Variants in FABP6 observed in about 807,000 individuals in gnomAD.
FABP6 encodes fatty acid binding protein 6.
FABP6 carries 13 observed loss-of-function variants against 14.9 expected under a neutral mutation model. The observed-to-expected ratio is 0.87, with a 90% CI of 0.57 to 1.39. FABP6 has a LOEUF of 1.39. FABP6 is among the 40% of genes most tolerant of loss of function. FABP6 has a pLI of 0.00. For synonymous variants in FABP6, 75 were observed against 63.6 expected (o/e 1.18, Z -0.85); for missense variants, 161 against 167.2 (o/e 0.96, Z 0.20).
At chr5:160,238,462 T>C (rs906384694) in intron 3 of FABP6, 144 bp from the exon 4 acceptor site, 4 of 654,208 alleles carry the variant, frequency 6.1e-6, no homozygotes, top group Admixed American at 5.0e-5. Context: ...CTGGAACAAA[T>C]TGGGAAACTG....
At chr5:160,218,986 C>G (rs1760076809) in intron 3 of FABP6, among the ~76,000 whole-genome samples, 1 of 152,226 alleles carries the variant, frequency 6.6e-6, no homozygotes, top group African/African-American at 2.4e-5. Flanking sequence ...ATCTCAAACT[C>G]CTGGTCTTTG....
chr5:160,233,734 G>A (rs190950157), intron 2 of FABP6, among the ~76,000 whole-genome samples: 15 of 152,040 alleles, frequency 9.9e-5, no homozygotes, highest in African/African-American at 1.9e-4. Flanking sequence ...TTAGCCAGGC[G>A]TGGTGGCCGG....
chr5:160,194,811 C>A (rs1256087386), intron 1 of FABP6, among the ~76,000 whole-genome samples: 1 of 152,296 alleles, frequency 6.6e-6, no homozygotes, highest in Middle Eastern at 3.4e-3. Context: ...GGCCGGTTTC[C>A]CTGCCTATAC....
At chr5:160,195,279 G>A (rs113552872) in intron 1 of FABP6, among the ~76,000 whole-genome samples, 20,838 of 86,530 alleles carry the variant, frequency 0.24, 1,825 homozygotes, top group Middle Eastern at 0.35. Context: ...GCGAGACTCT[G>A]TCTCAAAAAA....
intron 2 of FABP6, among the ~76,000 whole-genome samples, chr5:160,201,727 C>T (rs1759644996): frequency 7.7e-6 from 1 of 129,186 alleles, no homozygotes; most frequent in Admixed American, 8.1e-5. Flanking sequence ...TTTCTCCAGC[C>T]CACAGTGAGG....
rs55646112 is a variant in FABP6 at position 160,219,380 on chromosome 5, G to A, written c.135+5561G>A. ...CTTGGGCTCTTCTTTATCTCTATTGGGGTATAGTTGTTCTATTGGTTCTAT... is the reference window on the plus strand; with the variant it reads ...CTTGGGCTCTTCTTTATCTCTATTGAGGTATAGTTGTTCTATTGGTTCTAT... On this transcript the variant is annotated intron_variant, in intron 3 of 6. Coordinates refer to the FABP6 transcript ENST00000393980. 6.7e-3 allele frequency among the ~76,000 whole-genome samples: 1,015 copies of A among 152,276 alleles called. 6 individuals are homozygous for A. Among genetic ancestry groups the A allele is most frequent in the South Asian group, 0.011 (53 of 4,824 alleles).
chr5:160,188,152 G>A (rs1346526393), intron 1 of FABP6, among the ~76,000 whole-genome samples: 1 of 152,132 alleles, frequency 6.6e-6, no homozygotes, highest in Non-Finnish European at 1.5e-5. Flanking sequence ...GCAGGCAGGG[G>A]CCGGGCTAGG....
chr5:160,200,916 A>G (rs1199530795), intron 2 of FABP6, among the ~76,000 whole-genome samples: 1 of 152,126 alleles, frequency 6.6e-6, no homozygotes, highest in South Asian at 2.1e-4. Flanking sequence ...ATCTTCATGG[A>G]GGCTTCGTCA....
chr5:160,234,869 A>G lies in FABP6; in HGVS notation c.293A>G (p.Tyr98Cys). The change falls in exon 3 of 4, where the codon TAT becomes TGT. Residue 98 changes from tyrosine (Y) to cysteine (C), a missense_variant. By Grantham distance (194) the Tyr-to-Cys change is radical. Transcript: ENST00000402432. ...AAGCTGGTGGTGAATTTCCCCAACT[A>G]TCACCAGACCTCAGAGATCGTGGGT... ...GGKLVVNFPN[Y>C]HQTSEIVGDK... is the part of the protein sequence containing the mutation. 1 of 1,611,252 alleles carries G rather than the reference A, an allele frequency of 6.2e-7. No individual in the cohort carries two copies. Among genetic ancestry groups the G allele is most frequent in the Non-Finnish European group, 8.5e-7 (1 of 1,178,530 alleles).
At chr5:160,203,740 T>G (rs565124489) in intron 2 of FABP6, among the ~76,000 whole-genome samples, 2 of 151,978 alleles carry the variant, frequency 1.3e-5, no homozygotes, top group African/African-American at 2.4e-5. Flanking sequence ...TTGCTCTTGT[T>G]GCTCAGGCTG....
chr5:160,215,958 A>G (rs1458793468), intron 3 of FABP6, among the ~76,000 whole-genome samples: 3 of 152,204 alleles, frequency 2.0e-5, no homozygotes, highest in Admixed American at 2.0e-4. Flanking sequence ...TAAGTCCTGC[A>G]GATGGGAGGT....
chr5:160,222,592 C>T (rs58375411), intron 3 of FABP6, among the ~76,000 whole-genome samples: 59,178 of 152,074 alleles, frequency 0.39, 11,850 homozygotes, highest in Non-Finnish European at 0.42. Context: ...CCTCAGCCTC[C>T]CAAAGTGTTG....
intron 1 of FABP6, among the ~76,000 whole-genome samples, chr5:160,231,196 T>C (rs187551688): frequency 1.5e-3 from 225 of 152,206 alleles, no homozygotes; most frequent in Admixed American, 2.9e-3. Flanking sequence ...CTCTGAGTCA[T>C]GTATTGGCAG....
At chr5:160,199,215 C>T (rs1387093235) in intron 2 of FABP6, 2 of 1,577,510 alleles carry the variant, frequency 1.3e-6, no homozygotes, top group Non-Finnish European at 1.7e-6. Context: ...TGACCCAGGT[C>T]ACAGTGGGGA....
chr5:160,207,924 A>G (rs1395070784), intron 2 of FABP6, among the ~76,000 whole-genome samples: 1 of 152,004 alleles, frequency 6.6e-6, no homozygotes, highest in African/African-American at 2.4e-5. Flanking sequence ...GAGTTTCACC[A>G]TGTTGGCCAG....
chr5:160,199,172 C>G, intron 2 of FABP6: 1 of 1,614,014 alleles, frequency 6.2e-7, no homozygotes, highest in Non-Finnish European at 8.5e-7. Context: ...CTCCGTGAAG[C>G]TGGAAATAAG....
chr5:160,229,860 TA>T, intron 1 of FABP6, among the ~76,000 whole-genome samples: 1 of 114,874 alleles, frequency 8.7e-6, no homozygotes, highest in Non-Finnish European at 1.9e-5. Context: ...TATTTTATTT[TA>T]TTTTATTTTA....
At chr5:160,191,291 C>T (rs187793861) in intron 1 of FABP6, among the ~76,000 whole-genome samples, 1 of 151,920 alleles carries the variant, frequency 6.6e-6, no homozygotes, top group African/African-American at 2.4e-5. Flanking sequence ...CATGGTGACA[C>T]CCCGTCTTTA....
intron 1 of FABP6, among the ~76,000 whole-genome samples, chr5:160,194,160 G>A (rs1469120928): frequency 6.6e-6 from 1 of 152,204 alleles, no homozygotes; most frequent in Non-Finnish European, 1.5e-5. Context: ...CTCATTGCCC[G>A]GGGCCAGCAG....
Sources: gnomAD v4.1 joint callset for allele counts (sites outside exome capture counted in the v4.1 genomes callset) on GRCh38, gnomAD v4.1.1 for gene constraint, MANE v1.5 for transcripts, NCBI Gene and HGNC (gene_info 2026-07-23, HGNC 2026-07-21) for gene names.